Variants in PARP11 observed in about 807,000 individuals in gnomAD.
PARP11 encodes poly(ADP-ribose) polymerase family member 11.
A neutral mutation model predicts 42.9 loss-of-function variants in PARP11; 31 were observed. The observed-to-expected ratio is 0.72, with a 90% confidence interval of 0.54 to 0.98. PARP11 has a LOEUF of 0.98. Among genes scored for constraint, PARP11 ranks in the 50% least tolerant of loss-of-function variants. PARP11 has a pLI of 0.00. For missense variants in PARP11, 365 were observed against 413.1 expected, an observed-to-expected ratio of 0.88 and a Z score of 1.01; for synonymous variants, 137 against 127.3, an observed-to-expected ratio of 1.08 and a Z score of -0.51.
At chr12:3,839,827 G>A (rs1947849789) in intron 1 of PARP11, 3 of 1,150,076 alleles carry the variant, frequency 2.6e-6, no homozygotes, top group Non-Finnish European at 2.6e-6. Flanking sequence ...GTATGAGAAG[G>A]TATTTAAAAC....
intron 1 of PARP11, among the ~76,000 whole-genome samples, chr12:3,845,144 T>A (rs965735103): frequency 5.3e-5 from 8 of 152,360 alleles, no homozygotes; most frequent in Non-Finnish European, 8.8e-5. Flanking sequence ...TCCAGCCCCC[T>A]TTTCCCTTTG....
chr12:3,855,836 G>A (rs1948179232), intron 1 of PARP11, among the ~76,000 whole-genome samples: 1 of 152,046 alleles, frequency 6.6e-6, no homozygotes, highest in Non-Finnish European at 1.5e-5. Flanking sequence ...TAAGCAAAAA[G>A]GAACAAAGCT....
chr12:3,834,041 G>A (rs888984228), intron 1 of PARP11, among the ~76,000 whole-genome samples: 16 of 152,296 alleles, frequency 1.1e-4, no homozygotes, highest in African/African-American at 3.6e-4. Flanking sequence ...AGGTACAGCA[G>A]GCTGCAAATA....
At chr12:3,854,892 T>C (rs900001942) in intron 1 of PARP11, among the ~76,000 whole-genome samples, 1 of 152,314 alleles carries the variant, frequency 6.6e-6, no homozygotes, top group Non-Finnish European at 1.5e-5. Context: ...AATAAAATAC[T>C]GGCAAACCGA....
At chr12:3,867,953 A>G (rs1245003542) in intron 1 of PARP11, among the ~76,000 whole-genome samples, 1 of 152,134 alleles carries the variant, frequency 6.6e-6, no homozygotes, top group Non-Finnish European at 1.5e-5. Flanking sequence ...ATATTCCTAA[A>G]CATCTGACAG....
chr12:3,835,948 G>A lies in PARP11; in HGVS notation c.19-5930C>T, dbSNP rs540697684. 3.6e-4 allele frequency among the ~76,000 whole-genome samples: 54 copies of A among 152,038 alleles called. 1 individual carries two copies. Among genetic ancestry groups the A allele is most frequent in the African/African-American group, 1.3e-3 (54 of 41,510 alleles). ...TATAAATAACTACAGTATCAGAAGC[G>A]GAGGAGAGAGAAAAAGGCACAGGAA... On this transcript the variant is annotated intron_variant, in intron 1 of 7. Coordinates refer to ENST00000228820, the MANE Select transcript of PARP11 (RefSeq NM_020367.6).
At chr12:3,850,082 T>A (rs995199709) in intron 1 of PARP11, among the ~76,000 whole-genome samples, 5 of 152,038 alleles carry the variant, frequency 3.3e-5, no homozygotes, top group African/African-American at 1.2e-4. Context: ...AACAAAGCTA[T>A]ATTGGAGAAG....
chr12:3,823,173 T>C (rs73045058), intron 4 of PARP11, among the ~76,000 whole-genome samples: 5,231 of 152,322 alleles, frequency 0.034, 126 homozygotes, highest in South Asian at 0.11. Flanking sequence ...TTCAAACTTA[T>C]TTTAATGAAA....
chr12:3,873,326 G>A lies in PARP11; in HGVS notation c.-97C>T. On this transcript the variant is annotated 5_prime_UTR_variant, in exon 1 of 8. Coordinates refer to ENST00000228820, the MANE Select transcript of PARP11 (RefSeq NM_020367.6). ...TTTTTTCCCGCGGGTCCCCGGGAGCGAAGGGACGGAGATGCAACCTTTACG... is the reference window on the plus strand; with the variant it reads ...TTTTTTCCCGCGGGTCCCCGGGAGCAAAGGGACGGAGATGCAACCTTTACG... 1.7e-6 allele frequency: 2 copies of A among 1,197,206 alleles called. No individual in the cohort carries two copies. Among genetic ancestry groups the A allele is most frequent in the Non-Finnish European group, 2.4e-6 (2 of 824,890 alleles). 74.2% of individuals were successfully genotyped at this position (1,197,206 alleles called of 1,614,324 possible).
intron 1 of PARP11, among the ~76,000 whole-genome samples, chr12:3,833,795 A>C (rs1475428371): frequency 6.6e-6 from 1 of 152,142 alleles, no homozygotes; most frequent in East Asian, 1.9e-4. Flanking sequence ...ACATCCTACC[A>C]GGTCTGTATT....
chr12:3,822,283 C>T (rs1345625935), intron 4 of PARP11, 126 bp from the exon 5 acceptor site: 6 of 711,538 alleles, frequency 8.4e-6, no homozygotes, highest in South Asian at 3.7e-5. Flanking sequence ...TAAATACAGC[C>T]TTCCGTTTCT....
chr12:3,843,316 T>G (rs564274863), intron 1 of PARP11, among the ~76,000 whole-genome samples: 1 of 152,354 alleles, frequency 6.6e-6, no homozygotes, highest in African/African-American at 2.4e-5. Flanking sequence ...ATGCTACGCA[T>G]TTTGAAAATA....
At chr12:3,826,292 C>A in intron 3 of PARP11, 59 bp from the exon 4 acceptor site, 1 of 1,228,322 alleles carries the variant, frequency 8.1e-7, no homozygotes, top group South Asian at 1.5e-5. Context: ...TATAAAGTGT[C>A]ATGAAGATTA....
intron 4 of PARP11, chr12:3,824,530 A>C (rs1164136309): frequency 6.3e-5 from 25 of 399,532 alleles, no homozygotes; most frequent in Non-Finnish European, 7.8e-5. Context: ...ACAGTAAATA[A>C]ATATTTCTAT....
At chr12:3,839,433 G>A in intron 1 of PARP11, 16 of 1,601,744 alleles carry the variant, frequency 1.0e-5, no homozygotes, top group South Asian at 7.8e-5. Flanking sequence ...AGGACGGGTC[G>A]TGCCTGTTCC....
At chr12:3,838,457 A>C (rs1210049788) in intron 1 of PARP11, among the ~76,000 whole-genome samples, 4 of 152,180 alleles carry the variant, frequency 2.6e-5, no homozygotes, top group African/African-American at 9.6e-5. Flanking sequence ...AAGCAGTACT[A>C]AAAGAGAAGT....
intron 4 of PARP11, among the ~76,000 whole-genome samples, chr12:3,823,134 A>C (rs1264679626): frequency 6.6e-6 from 1 of 152,230 alleles, no homozygotes; most frequent in Admixed American, 6.5e-5. Flanking sequence ...TAAATTAATA[A>C]ATTTCAAACC....
At position 3,861,903 on chromosome 12, in the gene PARP11, T is replaced by C. The variant is rs527526296; in HGVS notation, c.18+11309A>G. Among the ~76,000 whole-genome samples the C allele has an allele frequency of 9.2e-5, 14 of 152,228 alleles. No homozygotes were observed. The highest frequency in any genetic ancestry group is 2.9e-4 in the African/African-American group (12 of 41,532). ...AGCCAGGCGTGGTGGAGGGTGCCTA[T>C]AGTCCCAGCTACTCGGGAGGCTGAG... On this transcript the variant is annotated intron_variant, in intron 1 of 7. Transcript: ENST00000228820. The surrounding 1 kb of genome is among the most constrained non-coding windows in gnomAD (Gnocchi z 4.6).
intron 1 of PARP11, among the ~76,000 whole-genome samples, chr12:3,848,470 G>A (rs1187758511): frequency 6.6e-6 from 1 of 152,076 alleles, no homozygotes; most frequent in Non-Finnish European, 1.5e-5. Flanking sequence ...ATAGACCAAT[G>A]GAACAGAATA....
Sources: gnomAD v4.1 joint callset for allele counts (sites outside exome capture counted in the v4.1 genomes callset) on GRCh38, gnomAD v4.1.1 for gene constraint, Gnocchi (gnomAD v3.1) non-coding constraint, MANE v1.5 for transcripts, NCBI Gene and HGNC (gene_info 2026-07-23, HGNC 2026-07-21) for gene names.